The following GET1 variants were observed in gnomAD, a reference collection of about 807,000 sequenced individuals.
The protein encoded by GET1 is guided entry of tail-anchored proteins factor 1, also known as congenital heart disease 5 protein.
GET1 carries 20 observed loss-of-function variants against 22.6 expected under a neutral mutation model. The ratio of observed to expected loss-of-function variants is 0.89; its 90% confidence interval spans 0.62 to 1.29. The LOEUF (loss-of-function observed/expected upper bound fraction) is 1.29, where lower values mean the gene tolerates loss of function less well. Among genes scored for constraint, GET1 ranks in the 50% most tolerant of loss-of-function variants. The pLI is 0.00. For synonymous variants in GET1, 92 were observed against 83.8 expected (o/e 1.10, Z -0.53); for missense variants, 209 against 219.9 (o/e 0.95, Z 0.31).
chr21:39,428,391 TG>T, exon 2 of GET1: 1 of 1,613,386 alleles, frequency 6.2e-7, no homozygotes. Flanking sequence ...AAATCGCCTG[TG>T]CCTGGGCTTC....
chr21:39,410,072 C>T (rs117843079), downstream of GET1: 2,898 of 1,610,508 alleles, frequency 1.8e-3, 6 homozygotes, highest in Non-Finnish European at 2.2e-3. Context: ...TCTTTATGAT[C>T]GATGTTTCCT....
chr21:39,426,321 C>T (rs1258061412), intron 1 of GET1, among the ~76,000 whole-genome samples: 1 of 152,122 alleles, frequency 6.6e-6, no homozygotes, highest in Non-Finnish European at 1.5e-5. Flanking sequence ...CTTTAAAAAG[C>T]TAAATTATAA....
chr21:39,406,205 CCT>C (rs1418528391), exon 5 of GET1: 3 of 1,614,132 alleles, frequency 1.9e-6, no homozygotes, highest in Admixed American at 3.3e-5. Context: ...AGCTCCATTT[CCT>C]CTCTGTTACT....
Position 39,396,988 on chromosome 21 carries a change from C to G in GET1, c.*49C>G, listed in dbSNP as rs76706196. ...AGGCTAAAAAACGGATTTCCTCTTC[C>G]TAGCTTAAAATCTGATTTACACTGT... On this transcript the variant is annotated 3_prime_UTR_variant, in exon 5 of 5. Coordinates refer to ENST00000649170, the MANE Select transcript of GET1 (RefSeq NM_004627.6). 1,145 of 1,593,572 alleles carry G rather than the reference C, an allele frequency of 7.2e-4. 11 individuals carry two copies. In the African/African-American group the frequency reaches 0.013, roughly 19 times the overall value.
chr21:39,381,517 G>A (rs2037553787), intron 1 of GET1, among the ~76,000 whole-genome samples: 4 of 152,096 alleles, frequency 2.6e-5, no homozygotes, highest in Admixed American at 2.0e-4. Flanking sequence ...CTGAGATATA[G>A]GGAATTCTCT....
At position 39,397,074 on chromosome 21, in the gene GET1, T is replaced by A; in HGVS notation, c.*135T>A. 1 of 911,030 alleles carries A rather than the reference T, an allele frequency of 1.1e-6. No homozygotes were observed. The highest frequency in any genetic ancestry group is 1.7e-5 in the South Asian group (1 of 58,054). The allele number at this position is 911,030 out of a possible 1,614,324, so 56.4% of individuals were successfully genotyped here. ...TTTTTTTTTTGTTGAATATGTTTGTTCTTGGACTTTATGAGAGAGTCTTAT... is the reference window on the plus strand; with the variant it reads ...TTTTTTTTTTGTTGAATATGTTTGTACTTGGACTTTATGAGAGAGTCTTAT... On this transcript the variant is annotated 3_prime_UTR_variant, in exon 5 of 5. Coordinates refer to ENST00000649170, the MANE Select transcript of GET1 (RefSeq NM_004627.6).
intron 1 of GET1, among the ~76,000 whole-genome samples, chr21:39,383,055 A>G (rs1415875091): frequency 1.3e-5 from 2 of 151,432 alleles, no homozygotes; most frequent in African/African-American, 4.9e-5. Context: ...GGTTCACACC[A>G]TTCTCCTGCC....
Position 39,397,171 on chromosome 21 carries a change from C to A in GET1, c.*232C>A, listed in dbSNP as rs564800370. 1.3e-4 allele frequency: 75 copies of A among 556,070 alleles called. No homozygotes were observed. The highest frequency in any genetic ancestry group is 4.9e-4 in the Middle Eastern group (1 of 2,050). 34.4% of individuals were successfully genotyped at this position (556,070 alleles called of 1,614,324 possible). A position where few individuals can be genotyped will look rare whatever the true frequency, so the allele number is the denominator to read the frequency against. ...TTTATGACACGTATGTACTAGTGAA[C>A]ACCGTCCTCGATCTGTACGAAATGT... is the stretch of plus-strand genomic sequence containing the variant. On this transcript the variant is annotated 3_prime_UTR_variant, in exon 5 of 5. Transcript: ENST00000649170.
rs763175960 is a variant in GET1 at position 39,393,179 on chromosome 21, T to G, written c.350T>G (p.Ile117Ser). 4 of 1,614,164 alleles carry G rather than the reference T, an allele frequency of 2.5e-6. No homozygotes were observed. The highest frequency in any genetic ancestry group is 3.4e-6 in the Non-Finnish European group (4 of 1,179,996). Reference protein sequence around the residue: ...AFYVLQAALMISLIWKYYSVP... With the variant: ...AFYVLQAALMSSLIWKYYSVP... ...GTGTCTTTACAGGCTGCCCTGATGA[T>G]CTCACTCATTTGGAAGTATTATTCT... Residue 117 changes from isoleucine to serine, a missense_variant, in exon 4 of 5, where the codon ATC (isoleucine) becomes AGC (serine). Ile to Ser is a moderately radical substitution (Grantham distance 142). Coordinates refer to ENST00000649170, the MANE Select transcript of GET1 (RefSeq NM_004627.6).
At chr21:39,418,533 C>T (rs1361464565) in intron 1 of GET1, among the ~76,000 whole-genome samples, 2 of 152,150 alleles carry the variant, frequency 1.3e-5, no homozygotes, top group South Asian at 2.1e-4. Context: ...TGGAGCCTCA[C>T]TCTGTCACCC....
Position 39,423,386 on chromosome 21 carries a change from T to C in GET1, c.*24-4846T>C. ...ATTTTATGAAGCCTTGCTGAGAGTA[T>C]TCGATGAGCCATAGCATCTCTTCTT... is the stretch of plus-strand genomic sequence containing the variant. On this transcript the variant is annotated intron_variant, in intron 1 of 1. Coordinates refer to the GET1 transcript ENST00000478273. The C allele has an allele frequency of 1.9e-6, 3 of 1,611,734 alleles. No individual in the cohort carries two copies. In the African/African-American group the frequency reaches 4.0e-5, roughly 21 times the overall value.
chr21:39,418,250 A>G (rs924382166), intron 1 of GET1, among the ~76,000 whole-genome samples: 2 of 152,180 alleles, frequency 1.3e-5, no homozygotes, highest in African/African-American at 4.8e-5. Flanking sequence ...AAACCATATC[A>G]AGGATATTAC....
intron 1 of GET1, chr21:39,414,379 C>T (rs1227649948): frequency 6.6e-6 from 1 of 152,098 alleles, no homozygotes; most frequent in Non-Finnish European, 1.5e-5. Flanking sequence ...TACTTCGGCT[C>T]ATACTGCAGA....
At chr21:39,399,840 G>A (rs151239221), downstream of GET1, among the ~76,000 whole-genome samples, 1,372 of 151,872 alleles carry the variant, frequency 9.0e-3, 18 homozygotes, top group African/African-American at 0.032. Context: ...TCTTCATACC[G>A]ATTTTGTCAT....
chr21:39,385,091 CCT>C (rs1427135147), intron 1 of GET1, among the ~76,000 whole-genome samples: 10 of 152,222 alleles, frequency 6.6e-5, no homozygotes, highest in Admixed American at 6.5e-5. Context: ...TTCATCACAG[CCT>C]CTCTGATTTG....
chr21:39,414,738 C>CTGTGTGTGTGTGTGTGTG (rs763309098), intron 1 of GET1, among the ~76,000 whole-genome samples: 119 of 107,340 alleles, frequency 1.1e-3, no homozygotes, highest in African/African-American at 3.3e-3. Flanking sequence ...CTCTCTCTCT[C>CTGTGTGTGTGTGTGTGTG]TCTCTGTGTG....
At chr21:39,426,499 G>A (rs1054545772) in intron 1 of GET1, among the ~76,000 whole-genome samples, 1 of 152,170 alleles carries the variant, frequency 6.6e-6, no homozygotes, top group Non-Finnish European at 1.5e-5. Context: ...GAATTTGGGG[G>A]TGGGTTTTAA....
chr21:39,406,214 T>C (rs1172060696), exon 5 of GET1: 1 of 1,614,234 alleles, frequency 6.2e-7, no homozygotes, highest in South Asian at 1.1e-5. Flanking sequence ...TCCTCTCTGT[T>C]ACTGAGATGC....
At chr21:39,423,221 G>A in intron 1 of GET1, 2 of 1,611,578 alleles carry the variant, frequency 1.2e-6, no homozygotes, top group South Asian at 2.2e-5. Context: ...GCCATAATTT[G>A]AGGTAGATTA....
Sources: gnomAD v4.1 joint callset for allele counts (sites outside exome capture counted in the v4.1 genomes callset) on GRCh38, gnomAD v4.1.1 for gene constraint, MANE v1.5 for transcripts, NCBI Gene and HGNC (gene_info 2026-07-23, HGNC 2026-07-21) for gene names.